VPS53: variants seen among roughly 807,000 people sequenced by gnomAD.
VPS53 encodes vacuolar protein sorting-associated protein 53 homolog.
Under a neutral mutation model 107.0 loss-of-function variants are expected in VPS53, and 70 were observed. The observed-to-expected ratio is 0.65, with a 90% CI of 0.54 to 0.80. VPS53 has a LOEUF of 0.80. Among genes scored for constraint, VPS53 ranks in the 30% least tolerant of loss-of-function variants. The pLI is 0.00. For synonymous variants in VPS53, 409 were observed against 393.3 expected, an observed-to-expected ratio of 1.04 and a Z score of -0.47; for missense variants, 917 against 1,049.4, an observed-to-expected ratio of 0.87 and a Z score of 1.74.
intron 4 of VPS53, among the ~76,000 whole-genome samples, chr17:662,688 G>A (rs1166272779): frequency 7.6e-6 from 1 of 131,484 alleles, no homozygotes; most frequent in African/African-American, 2.8e-5. Context: ...GACTCCAAAA[G>A]GAAAGAAAAG....
At chr17:668,314 T>C (rs530918311) in intron 4 of VPS53, among the ~76,000 whole-genome samples, 12 of 152,300 alleles carry the variant, frequency 7.9e-5, no homozygotes, top group South Asian at 2.1e-4. Flanking sequence ...TATGGCACAG[T>C]GGGACCTTGA....
intron 10 of VPS53, among the ~76,000 whole-genome samples, chr17:624,911 T>C (rs1969625424): frequency 6.6e-6 from 1 of 151,894 alleles, no homozygotes; most frequent in Admixed American, 6.6e-5. Flanking sequence ...TTCTTCCTCT[T>C]TCTTTCTTTT....
chr17:713,786 T>C (rs1469557088), intron 1 of VPS53, among the ~76,000 whole-genome samples: 1 of 151,882 alleles, frequency 6.6e-6, no homozygotes, highest in African/African-American at 2.4e-5. Context: ...ACGCCTGTAA[T>C]CCCAGCACTT....
Position 518,573 on chromosome 17 carries a change from C to T in VPS53, c.*555G>A, listed in dbSNP as rs1355874874. On this transcript the variant is annotated 3_prime_UTR_variant, in exon 22 of 22. Transcript: ENST00000437048. ...TCTTCCAAGTGAACTTCCTGGTTTC[C>T]CTTCCCTAGAAACCAGGAGCAGGGT... 2 of 151,638 alleles carry T rather than the reference C, an allele frequency of 1.3e-5. No individual in the cohort carries two copies. Among genetic ancestry groups the T allele is most frequent in the African/African-American group, 2.4e-5 (1 of 41,262 alleles). 9.4% of individuals were successfully genotyped at this position (151,638 alleles called of 1,614,324 possible).
rs544632952 is a variant in VPS53 at position 661,916 on chromosome 17, G to A, written c.286-21C>T. The A allele has an allele frequency of 1.0e-5, 16 of 1,541,730 alleles. No homozygotes were observed. The East Asian group carries it at 2.2e-4, about 21-fold the overall frequency. ...AGCGCCTAGAGTAAGGGAAATACATGAAAAACAAAAAGTGGCTAGAGACAG... is the reference window on the plus strand; with the variant it reads ...AGCGCCTAGAGTAAGGGAAATACATAAAAAACAAAAAGTGGCTAGAGACAG... On this transcript the variant is annotated intron_variant, in intron 4 of 21. Transcript: ENST00000437048.
intron 7 of VPS53, among the ~76,000 whole-genome samples, chr17:643,254 T>G (rs560122184): frequency 1.2e-4 from 3 of 25,142 alleles, no homozygotes; most frequent in Non-Finnish European, 3.0e-4. Context: ...CACTCATACT[T>G]GGAAAGTGAG....
chr17:714,589 T>C, intron 1 of VPS53, 34 bp downstream of exon 1: 1 of 1,573,776 alleles, frequency 6.4e-7, no homozygotes, highest in Middle Eastern at 1.7e-4. Flanking sequence ...CCTCCCGCAC[T>C]CCCGTTTCCC....
At chr17:549,363 G>C (rs1008618456) in intron 17 of VPS53, among the ~76,000 whole-genome samples, 2 of 152,138 alleles carry the variant, frequency 1.3e-5, no homozygotes, top group African/African-American at 4.8e-5. Context: ...CAGACAAAAA[G>C]TAATGGCCTC....
intron 17 of VPS53, among the ~76,000 whole-genome samples, chr17:542,957 G>C (rs896092103): frequency 6.8e-6 from 1 of 147,872 alleles, no homozygotes; most frequent in African/African-American, 2.5e-5. Flanking sequence ...CAGCCTGCCG[G>C]ATAGAGCGAG....
At chr17:581,442 A>G (rs554655554) in intron 13 of VPS53, among the ~76,000 whole-genome samples, 45 of 146,162 alleles carry the variant, frequency 3.1e-4, no homozygotes, top group African/African-American at 1.0e-3. Context: ...ACTTCCCTCA[A>G]AACCTAATGC....
rs571903060 is a variant in VPS53 at position 689,886 on chromosome 17, A to G, written c.285+7532T>C. Reference sequence around the variant, plus strand: ...TTTGCTGCTTTAGTTCATAATCTTTATGATATCTCTATGTAAAAGTGAAGA... The same window carrying G: ...TTTGCTGCTTTAGTTCATAATCTTTGTGATATCTCTATGTAAAAGTGAAGA... On this transcript the variant is annotated intron_variant, in intron 4 of 21. Coordinates refer to ENST00000437048, the MANE Select transcript of VPS53 (RefSeq NM_001128159.3). Among the ~76,000 whole-genome samples the G allele has an allele frequency of 5.3e-5, 8 of 152,308 alleles. No homozygotes were observed. In the South Asian group the frequency reaches 1.5e-3, roughly 28 times the overall value.
rs1177252669 is a variant in VPS53, at chr17:516,640, G to C, written c.*2488C>G. ...GCCTCCCCAAGTGCTGGGATTCCAG[G>C]CGTGAGCCACGGCGCCCGGCCGGCA... On this transcript the variant is annotated 3_prime_UTR_variant, in exon 22 of 22. Coordinates refer to ENST00000437048, the MANE Select transcript of VPS53 (RefSeq NM_001128159.3). The C allele has an allele frequency of 6.6e-6, 1 of 152,358 alleles. No individual in the cohort carries two copies. Among genetic ancestry groups the C allele is most frequent in the Non-Finnish European group, 1.5e-5 (1 of 68,162 alleles). The allele number at this position is 152,358 out of a possible 1,614,324, so 9.4% of individuals were successfully genotyped here.
At chr17:641,636 G>A (rs1041045801) in intron 7 of VPS53, among the ~76,000 whole-genome samples, 6 of 152,028 alleles carry the variant, frequency 3.9e-5, no homozygotes, top group Non-Finnish European at 2.9e-5. Context: ...TGTATTTTTT[G>A]TAGAGATGGA....
chr17:609,740 G>A (rs1201352483), intron 11 of VPS53, among the ~76,000 whole-genome samples: 1 of 152,156 alleles, frequency 6.6e-6, no homozygotes, highest in Non-Finnish European at 1.5e-5. Flanking sequence ...CACTAGTGTC[G>A]TAAGAAAATC....
intron 19 of VPS53, among the ~76,000 whole-genome samples, chr17:525,063 A>T (rs1909029900): frequency 6.6e-6 from 1 of 152,264 alleles, no homozygotes; most frequent in African/African-American, 2.4e-5. Context: ...AACAAATGAC[A>T]GCACATTCGT....
chr17:655,300 C>T (rs914939759), intron 6 of VPS53, among the ~76,000 whole-genome samples: 5 of 37,844 alleles, frequency 1.3e-4, no homozygotes, highest in East Asian at 8.1e-4. Context: ...ACAAGCCAAA[C>T]GGAAATCTAC....
Position 544,460 on chromosome 17 carries a change from C to A in VPS53, c.1867-7284G>T, listed in dbSNP as rs192865560. Among the ~76,000 whole-genome samples the A allele has an allele frequency of 1.8e-3, 269 of 152,300 alleles. 3 individuals carry two copies. The highest frequency in any genetic ancestry group is 6.2e-3 in the African/African-American group (258 of 41,566). ...TAAGCTGATTTTGCCTCAGTTGCCA[C>A]ATTTGCCAAAAAGACTTACTCACTC... On this transcript the variant is annotated intron_variant, in intron 17 of 21. Coordinates refer to ENST00000437048, the MANE Select transcript of VPS53 (RefSeq NM_001128159.3).
chr17:562,819 G>C, intron 13 of VPS53, 74 bp from the exon 14 acceptor site: 2 of 1,501,370 alleles, frequency 1.3e-6, no homozygotes, highest in South Asian at 2.5e-5. Context: ...CGTTTGCAAT[G>C]TACATAAACT....
At chr17:698,610 G>A (rs906129371) in intron 3 of VPS53, among the ~76,000 whole-genome samples, 7 of 151,880 alleles carry the variant, frequency 4.6e-5, no homozygotes, top group Non-Finnish European at 7.4e-5. Context: ...GGCTGAGGTG[G>A]GAGGATCACT....
Sources: gnomAD v4.1 joint callset for allele counts (sites outside exome capture counted in the v4.1 genomes callset) on GRCh38, gnomAD v4.1.1 for gene constraint, MANE v1.5 for transcripts, NCBI Gene and HGNC (gene_info 2026-07-23, HGNC 2026-07-21) for gene names.